The following DOCK7 variants were observed in gnomAD, a reference collection of about 807,000 sequenced individuals.
DOCK7 encodes dedicator of cytokinesis protein 7.
In DOCK7, 138 loss-of-function variants were observed where a neutral mutation model predicts 271.0. That is an observed-to-expected ratio of 0.51 (90% CI 0.44 to 0.59). The LOEUF (loss-of-function observed/expected upper bound fraction) is 0.59, where lower values mean the gene tolerates loss of function less well. Among genes scored for constraint, DOCK7 ranks in the 20% least tolerant of loss-of-function variants. DOCK7 has a pLI of 0.00. For synonymous variants in DOCK7, 823 were observed against 876.1 expected (o/e 0.94, Z 1.07); for missense variants, 2,066 against 2,592.4 (o/e 0.80, Z 4.41).
At chr1:62,645,500 G>A (rs961734847) in intron 7 of DOCK7, among the ~76,000 whole-genome samples, 2 of 152,054 alleles carry the variant, frequency 1.3e-5, no homozygotes, top group Non-Finnish European at 2.9e-5. Context: ...ACAGAAAGTA[G>A]GACAGTGGTT....
intron 14 of DOCK7, among the ~76,000 whole-genome samples, chr1:62,593,250 G>T (rs147485917): frequency 7.1e-4 from 108 of 152,132 alleles, no homozygotes; most frequent in Non-Finnish European, 1.4e-3. Flanking sequence ...TGAAATACCT[G>T]AATTTTCACA....
chr1:62,556,041 A>T (rs1646131830), intron 20 of DOCK7, 52 bp from the exon 21 acceptor site: 12 of 1,555,782 alleles, frequency 7.7e-6, no homozygotes, highest in Non-Finnish European at 1.1e-5. Flanking sequence ...TTTAGACTGT[A>T]AATTCCACGA....
chr1:62,490,767 G>A (rs539024551), intron 41 of DOCK7, among the ~76,000 whole-genome samples: 1 of 152,236 alleles, frequency 6.6e-6, no homozygotes, highest in African/African-American at 2.4e-5. Context: ...CAAACACACA[G>A]AGTTATGTTA....
intron 22 of DOCK7, among the ~76,000 whole-genome samples, chr1:62,547,237 T>C (rs1224055666): frequency 6.6e-6 from 1 of 152,202 alleles, no homozygotes; most frequent in Non-Finnish European, 1.5e-5. Flanking sequence ...TGGCCAGTTA[T>C]TTGGCAAAGC....
chr1:62,663,919 C>T (rs555671417), intron 1 of DOCK7, among the ~76,000 whole-genome samples: 2 of 152,250 alleles, frequency 1.3e-5, no homozygotes, highest in South Asian at 2.1e-4. Flanking sequence ...TTCATAATTG[C>T]CAAACTTTGG....
At chr1:62,472,612 G>T (rs1267175793) in intron 48 of DOCK7, among the ~76,000 whole-genome samples, 2 of 152,206 alleles carry the variant, frequency 1.3e-5, no homozygotes, top group Admixed American at 6.5e-5. Context: ...ATGACCTAAA[G>T]AAGTATGTAC....
At chr1:62,585,873 A>C (rs1024184579) in intron 15 of DOCK7, among the ~76,000 whole-genome samples, 1 of 152,164 alleles carries the variant, frequency 6.6e-6, no homozygotes, top group African/African-American at 2.4e-5. Flanking sequence ...ATCCCTGGTG[A>C]GACTTAAAAA....
intron 31 of DOCK7, among the ~76,000 whole-genome samples, chr1:62,522,677 T>C (rs897595610): frequency 3.9e-5 from 6 of 151,944 alleles, no homozygotes; most frequent in Non-Finnish European, 7.4e-5. Context: ...TACTAGCCAG[T>C]ACAATAAATT....
At chr1:62,619,341 A>T (rs530028014) in intron 13 of DOCK7, among the ~76,000 whole-genome samples, 2 of 152,310 alleles carry the variant, frequency 1.3e-5, no homozygotes, top group African/African-American at 4.8e-5. Context: ...TATTCATCAC[A>T]CTCACTTTAG....
intron 42 of DOCK7, chr1:62,488,699 A>AT: frequency 2.1e-6 from 1 of 483,534 alleles, no homozygotes; most frequent in Non-Finnish European, 3.7e-6. Flanking sequence ...TAATTCAAAA[A>AT]TGAAAAAAAA....
At chr1:62,678,648 T>C (rs1660786390) in intron 1 of DOCK7, among the ~76,000 whole-genome samples, 1 of 152,288 alleles carries the variant, frequency 6.6e-6, no homozygotes, top group South Asian at 2.1e-4. Flanking sequence ...GTTTTGTCTT[T>C]GGTAGATTCT....
Position 62,494,394 on chromosome 1 carries a change from C to G in DOCK7, c.5098G>C (p.Glu1700Gln), listed in dbSNP as rs780985900. Reference protein sequence around the residue: ...WLQNMAGKHSERSNHAEAAQC... With the variant: ...WLQNMAGKHSQRSNHAEAAQC... ...GCAGCTTCAGCATGATTGCTTCGTT[C>G]TGAGTGCTTGCCTGCCATGTTCTGC... The change falls in exon 40 of 50, where the codon GAA becomes CAA. Residue 1700 changes from glutamate to glutamine, a missense_variant. Transcript: ENST00000635253. The G allele has an allele frequency of 1.6e-5, 26 of 1,613,354 alleles. No homozygotes were observed. In the African/African-American group the frequency reaches 2.7e-4, roughly 17 times the overall value.
At position 62,561,702 on chromosome 1, in the gene DOCK7, A is replaced by G. The variant is rs761343836; in HGVS notation, c.2114T>C (p.Val705Ala). 1.3e-6 allele frequency: 2 copies of G among 1,550,552 alleles called. No individual in the cohort carries two copies. Among genetic ancestry groups the G allele is most frequent in the East Asian group, 2.4e-5 (1 of 41,796 alleles). The change falls in exon 19 of 50, where the codon GTT (valine) becomes GCT (alanine). Residue 705 changes from valine to alanine, a missense_variant and splice_region_variant. This residue lies in a region of DOCK7 where 1,414 missense variants were observed against 1,670.4 expected (regional missense o/e 0.85). Transcript: ENST00000635253. ...PQAYSVLSPE[V>A]PLPGMKWVDN... ...TACCCATTTCATGCCAGGTAGAGGA[A>G]CCTGTAAGATATTAAATATAATGAT...
intron 31 of DOCK7, among the ~76,000 whole-genome samples, chr1:62,526,798 T>G (rs148618082): frequency 6.6e-6 from 1 of 152,210 alleles, no homozygotes; most frequent in Admixed American, 6.5e-5. Flanking sequence ...CAAAAACTTA[T>G]GCTTAGTGAA....
chr1:62,666,218 C>T (rs1659302236), intron 1 of DOCK7, among the ~76,000 whole-genome samples: 4 of 152,208 alleles, frequency 2.6e-5, no homozygotes, highest in South Asian at 2.1e-4. Flanking sequence ...AATGACATTA[C>T]TCCATGTACA....
At chr1:62,626,310 A>AACAAACT (rs1557823829) in intron 11 of DOCK7, among the ~76,000 whole-genome samples, 3 of 152,120 alleles carry the variant, frequency 2.0e-5, no homozygotes, top group Non-Finnish European at 2.9e-5. Context: ...CTCAGACTTC[A>AACAAACT]ACAAACTACA....
At chr1:62,654,689 AAC>A (rs568781679) in intron 2 of DOCK7, among the ~76,000 whole-genome samples, 6 of 152,326 alleles carry the variant, frequency 3.9e-5, no homozygotes, top group African/African-American at 1.4e-4. Context: ...TAAAAAATAA[AAC>A]AGTCTTTGCA....
At chr1:62,541,165 TGAA>T (rs1324689045) in intron 25 of DOCK7, among the ~76,000 whole-genome samples, 1 of 151,768 alleles carries the variant, frequency 6.6e-6, no homozygotes, top group Non-Finnish European at 1.5e-5. Context: ...AAGACGAAGG[TGAA>T]GAAGACGGTC....
intron 18 of DOCK7, among the ~76,000 whole-genome samples, chr1:62,563,236 C>T (rs1434808607): frequency 1.3e-5 from 2 of 152,180 alleles, no homozygotes; most frequent in Admixed American, 6.6e-5. Context: ...TGTGGACCTT[C>T]ACCTCTACCT....
Sources: gnomAD v4.1 joint callset for allele counts (sites outside exome capture counted in the v4.1 genomes callset) on GRCh38, gnomAD v4.1.1 for gene constraint, gnomAD v4.1.1 regional missense constraint, MANE v1.5 for transcripts, NCBI Gene and HGNC (gene_info 2026-07-23, HGNC 2026-07-21) for gene names.